KCNH8: variants seen among roughly 807,000 people sequenced by gnomAD.
KCNH8 encodes the protein voltage-gated delayed rectifier potassium channel KCNH8.
KCNH8 carries 70 observed loss-of-function variants against 103.6 expected under a neutral mutation model. The ratio of observed to expected loss-of-function variants is 0.68; its 90% CI spans 0.56 to 0.82. The LOEUF (loss-of-function observed/expected upper bound fraction) is 0.82, where lower values mean the gene tolerates loss of function less well. Ranked by LOEUF, KCNH8 falls within the 40% of genes least tolerant of loss-of-function variation. The probability of loss-of-function intolerance (pLI) is 0.00; values close to 1 mark genes in which losing one functional copy is unlikely to be tolerated. For missense variants in KCNH8, 1,217 were observed against 1,329.9 expected (o/e 0.92, Z 1.32); for synonymous variants, 498 against 489.4 (o/e 1.02, Z -0.23).
intron 3 of KCNH8, among the ~76,000 whole-genome samples, chr3:19,307,210 G>GA (rs568289353): frequency 1.6e-4 from 24 of 147,444 alleles, no homozygotes; most frequent in African/African-American, 5.7e-4. Context: ...CAAAACAAAA[G>GA]AAAAAAAAAG....
chr3:19,168,251 C>G (rs898338602), intron 1 of KCNH8, among the ~76,000 whole-genome samples: 9 of 152,038 alleles, frequency 5.9e-5, no homozygotes, highest in African/African-American at 2.2e-4. Context: ...TGGTCACTAA[C>G]TCCTGGCCTC....
intron 15 of KCNH8, among the ~76,000 whole-genome samples, chr3:19,522,136 T>C (rs2068981049): frequency 6.6e-6 from 1 of 151,782 alleles, no homozygotes; most frequent in African/African-American, 2.4e-5. Context: ...ATCTTAAACA[T>C]ACTATGGAGA....
chr3:19,440,140 A>G (rs1475122921), intron 8 of KCNH8, among the ~76,000 whole-genome samples: 3 of 152,172 alleles, frequency 2.0e-5, no homozygotes, highest in Admixed American at 6.5e-5. Flanking sequence ...ATAAATTTTA[A>G]TAAGAGTCAG....
At chr3:19,410,978 A>T (rs1326260528) in intron 7 of KCNH8, among the ~76,000 whole-genome samples, 1 of 152,028 alleles carries the variant, frequency 6.6e-6, no homozygotes, top group Non-Finnish European at 1.5e-5. Flanking sequence ...ACTAATTTCA[A>T]AAAATTGAGG....
At chr3:19,493,916 T>C (rs1381301579) in intron 11 of KCNH8, among the ~76,000 whole-genome samples, 4 of 152,308 alleles carry the variant, frequency 2.6e-5, no homozygotes, top group Admixed American at 6.5e-5. Context: ...AAACTGTGTC[T>C]CCCACAGTTT....
intron 7 of KCNH8, among the ~76,000 whole-genome samples, chr3:19,395,828 A>C (rs1371123257): frequency 6.6e-6 from 1 of 152,036 alleles, no homozygotes; most frequent in Non-Finnish European, 1.5e-5. Context: ...CACTTTGAGA[A>C]TTTGTGATGG....
At chr3:19,492,152 T>C (rs1409237426) in intron 11 of KCNH8, among the ~76,000 whole-genome samples, 1 of 152,108 alleles carries the variant, frequency 6.6e-6, no homozygotes, top group Non-Finnish European at 1.5e-5. Flanking sequence ...ATAGTTTCTT[T>C]TGTTATGCAG....
chr3:19,297,906 G>A (rs573508018), intron 3 of KCNH8, among the ~76,000 whole-genome samples: 6 of 152,278 alleles, frequency 3.9e-5, no homozygotes, highest in South Asian at 4.1e-4. Flanking sequence ...ATTTTATTCC[G>A]TGTAACAATT....
intron 5 of KCNH8, among the ~76,000 whole-genome samples, chr3:19,372,935 C>G (rs961971487): frequency 6.6e-6 from 1 of 151,854 alleles, no homozygotes; most frequent in African/African-American, 2.4e-5. Flanking sequence ...GTATATTGAA[C>G]CAGCCTTGCA....
At chr3:19,444,653 A>T (rs1321069771) in intron 8 of KCNH8, among the ~76,000 whole-genome samples, 1 of 151,964 alleles carries the variant, frequency 6.6e-6, no homozygotes, top group Non-Finnish European at 1.5e-5. Context: ...ATAAGAAAAA[A>T]ATCAATCAAC....
At chr3:19,379,091 G>T (rs570722250) in intron 5 of KCNH8, among the ~76,000 whole-genome samples, 2 of 152,176 alleles carry the variant, frequency 1.3e-5, no homozygotes, top group African/African-American at 4.8e-5. Context: ...TACTATCTTG[G>T]GCAACTTTAT....
At chr3:19,378,701 A>G (rs1405013292) in intron 5 of KCNH8, among the ~76,000 whole-genome samples, 2 of 152,226 alleles carry the variant, frequency 1.3e-5, no homozygotes, top group African/African-American at 4.8e-5. Flanking sequence ...CACTGAAGAA[A>G]AAGGTGATAT....
chr3:19,528,401 T>A (rs75740193), intron 15 of KCNH8, among the ~76,000 whole-genome samples: 4,362 of 152,078 alleles, frequency 0.029, 200 homozygotes, highest in African/African-American at 0.098. Flanking sequence ...AAGTTTATGC[T>A]GGGACAGATG....
intron 1 of KCNH8, among the ~76,000 whole-genome samples, chr3:19,240,803 T>C (rs1343198381): frequency 6.6e-6 from 1 of 151,646 alleles, no homozygotes; most frequent in Admixed American, 6.6e-5. Flanking sequence ...GGCAAAAGCA[T>C]TGACATCATT....
At chr3:19,392,786 A>C (rs2066458250) in intron 6 of KCNH8, among the ~76,000 whole-genome samples, 1 of 152,036 alleles carries the variant, frequency 6.6e-6, no homozygotes, top group South Asian at 2.1e-4. Flanking sequence ...TAAGAGATAC[A>C]ATTATGAATA....
At chr3:19,254,806 G>C (rs1356811818) in intron 2 of KCNH8, among the ~76,000 whole-genome samples, 2 of 152,058 alleles carry the variant, frequency 1.3e-5, no homozygotes, top group African/African-American at 4.8e-5. Context: ...ATATTTCCCA[G>C]CATTCTTTGT....
intron 5 of KCNH8, among the ~76,000 whole-genome samples, chr3:19,350,824 C>T (rs1456464331): frequency 6.6e-6 from 1 of 152,164 alleles, no homozygotes; most frequent in Non-Finnish European, 1.5e-5. Flanking sequence ...AGCACCTCTT[C>T]TCCTCCAAAG....
intron 3 of KCNH8, among the ~76,000 whole-genome samples, chr3:19,308,975 G>A (rs1041515183): frequency 5.9e-4 from 90 of 151,796 alleles, no homozygotes; most frequent in African/African-American, 2.0e-3. Flanking sequence ...AATTAGTAAG[G>A]AGAACAACAG....
chr3:19,505,312 A>G (rs886398153), intron 11 of KCNH8, among the ~76,000 whole-genome samples: 1 of 152,030 alleles, frequency 6.6e-6, no homozygotes, highest in African/African-American at 2.4e-5. Context: ...CAGAGGGTGA[A>G]GGGTTGGAGG....
Sources: allele counts gnomAD v4.1 joint callset (sites outside exome capture counted in the v4.1 genomes callset), GRCh38; gene constraint gnomAD v4.1.1; transcripts MANE v1.5; gene names NCBI Gene and HGNC (gene_info 2026-07-23, HGNC 2026-07-21).